Variants in INPP4A observed in about 807,000 individuals in gnomAD.
The protein encoded by INPP4A is inositol polyphosphate-4-phosphatase type I A, also known as inositol polyphosphate-4-phosphatase, type I, 107kD.
In INPP4A, 33 loss-of-function variants were observed where a neutral mutation model predicts 119.8. The observed-to-expected ratio is 0.28, with a 90% CI of 0.21 to 0.37. The LOEUF (loss-of-function observed/expected upper bound fraction) is 0.37. Ranked by LOEUF, INPP4A falls within the 10% of genes least tolerant of loss-of-function variation. The probability of loss-of-function intolerance (pLI) is 1.00; values close to 1 mark genes in which losing one functional copy is unlikely to be tolerated. For synonymous variants in INPP4A, 496 were observed against 500.7 expected (o/e 0.99, Z 0.12); for missense variants, 956 against 1,289.9 (o/e 0.74, Z 3.97).
At chr2:98,543,548 C>A (rs1691921442) in intron 10 of INPP4A, among the ~76,000 whole-genome samples, 7 of 152,156 alleles carry the variant, frequency 4.6e-5, no homozygotes, top group Admixed American at 4.6e-4. Flanking sequence ...CTTGAGGGCA[C>A]CTGCAGGTCG....
intron 13 of INPP4A, among the ~76,000 whole-genome samples, chr2:98,550,923 C>G (rs561186764): frequency 1.3e-5 from 2 of 151,654 alleles, no homozygotes; most frequent in South Asian, 4.2e-4. Context: ...TATATGTACT[C>G]TAAATATTGG....
intron 1 of INPP4A, among the ~76,000 whole-genome samples, chr2:98,467,301 G>A (rs6542781): frequency 0.79 from 120,180 of 152,164 alleles, 48,425 homozygotes; most frequent in African/African-American, 0.94. Context: ...CCCCACTTCT[G>A]ACATTCGGGA....
intron 4 of INPP4A, among the ~76,000 whole-genome samples, chr2:98,523,623 T>C (rs942945935): frequency 9.9e-5 from 15 of 152,152 alleles, no homozygotes; most frequent in Non-Finnish European, 1.3e-4. Context: ...CTCGATCTCC[T>C]GACCTCGTGA....
chr2:98,515,734 G>A (rs968526687), intron 1 of INPP4A, among the ~76,000 whole-genome samples: 15 of 152,256 alleles, frequency 9.9e-5, no homozygotes, highest in African/African-American at 3.1e-4. Context: ...CAGTACTCCC[G>A]CTAGGCCTCT....
chr2:98,559,540 G>T, intron 17 of INPP4A, 45 bp downstream of exon 17: 1 of 1,588,416 alleles, frequency 6.3e-7, no homozygotes, highest in Non-Finnish European at 8.6e-7. Flanking sequence ...CCTTTTAATT[G>T]ATACTCAGGT....
At position 98,590,999 on chromosome 2, in the gene INPP4A, ATTG is replaced by A. The variant is rs1326773138; in HGVS notation, c.*3394_*3396del. ...TGGAATGTTGATCTATTTCATATAG[ATTG>A]TTTTTAATATACAATGTATTAGCCC... On this transcript the variant is annotated 3_prime_UTR_variant, in exon 25 of 25. Transcript: ENST00000409851. The A allele has an allele frequency of 1.7e-5, 4 of 229,482 alleles. No homozygotes were observed. The highest frequency in any genetic ancestry group is 2.6e-5 in the Non-Finnish European group (3 of 115,784). 14.2% of individuals were successfully genotyped at this position (229,482 alleles called of 1,614,324 possible).
chr2:98,520,330 C>T (rs1686944537), intron 3 of INPP4A, among the ~76,000 whole-genome samples, 176 bp downstream of exon 3: 1 of 152,168 alleles, frequency 6.6e-6, no homozygotes, highest in Non-Finnish European at 1.5e-5. Context: ...GGATGTCAGC[C>T]CTCTTCCTGT....
At chr2:98,526,397 A>G (rs574088881) in intron 4 of INPP4A, among the ~76,000 whole-genome samples, 5 of 152,382 alleles carry the variant, frequency 3.3e-5, no homozygotes, top group African/African-American at 1.2e-4. Flanking sequence ...TCATGAAGAT[A>G]CATGAGAAGA....
In INPP4A at chr2:98,591,993, C is replaced by CT. The variant is rs1402768642; in HGVS notation, c.*4387dup. 1 of 152,268 alleles carries CT rather than the reference C, an allele frequency of 6.6e-6. No individual in the cohort carries two copies. The highest frequency in any genetic ancestry group is 6.5e-5 in the Admixed American group (1 of 15,280). 9.4% of individuals were successfully genotyped at this position (152,268 alleles called of 1,614,324 possible). ...ACTCTAAAGGGCTGCCAGCATTTCT[C>CT]TTAAGCTGGGGGGAGAAGAGCTGTT... On this transcript the variant is annotated 3_prime_UTR_variant, in exon 25 of 25. Transcript: ENST00000409851.
At chr2:98,448,730 A>T (rs1694714777) in intron 1 of INPP4A, among the ~76,000 whole-genome samples, 2 of 147,336 alleles carry the variant, frequency 1.4e-5, no homozygotes, top group African/African-American at 5.0e-5. Flanking sequence ...TTTTTTTTTA[A>T]AGAGACAAGG....
intron 1 of INPP4A, among the ~76,000 whole-genome samples, chr2:98,467,660 A>G (rs1019680262): frequency 2.0e-5 from 3 of 152,192 alleles, no homozygotes; most frequent in African/African-American, 7.2e-5. Flanking sequence ...GAGTTTTTGC[A>G]TATACATCCC....
chr2:98,536,977 A>G (rs899882759), intron 7 of INPP4A, among the ~76,000 whole-genome samples: 3 of 152,208 alleles, frequency 2.0e-5, no homozygotes, highest in Admixed American at 1.3e-4. Context: ...AATGAGAGGG[A>G]TCATGTAAGG....
At chr2:98,467,623 G>A (rs1368808433) in intron 1 of INPP4A, among the ~76,000 whole-genome samples, 1 of 152,134 alleles carries the variant, frequency 6.6e-6, no homozygotes, top group Non-Finnish European at 1.5e-5. Flanking sequence ...CTGTGTTCTT[G>A]ATGTGAAGCT....
chr2:98,462,360 A>G (rs1167295158), intron 1 of INPP4A, among the ~76,000 whole-genome samples: 1 of 152,144 alleles, frequency 6.6e-6, no homozygotes, highest in Non-Finnish European at 1.5e-5. Flanking sequence ...AGATAGGAGA[A>G]TCGCTTGAAC....
intron 1 of INPP4A, among the ~76,000 whole-genome samples, chr2:98,470,923 C>T (rs1574576046): frequency 6.6e-6 from 1 of 152,186 alleles, no homozygotes; most frequent in East Asian, 1.9e-4. Flanking sequence ...ACCTTGGCCT[C>T]CCAAAGTACT....
In INPP4A at chr2:98,552,788, C is replaced by T. The variant is rs759096360; in HGVS notation, c.1166C>T (p.Thr389Ile). 2.3e-5 allele frequency: 37 copies of T among 1,610,036 alleles called. No individual in the cohort carries two copies. In the South Asian group the frequency reaches 4.1e-4, roughly 18 times the overall value. ...LHKFEETKKH[T>I]SSGCQSIIYI... ...GAATCCATTCTTATCCTTTCCAGTACATCATCTGGCTGCCAGTCCATAATC... is the reference window on the plus strand; with the variant it reads ...GAATCCATTCTTATCCTTTCCAGTATATCATCTGGCTGCCAGTCCATAATC... The change falls in exon 14 of 25, where the codon ACA becomes ATA. Residue 389 changes from threonine (T) to isoleucine (I), a missense_variant and splice_region_variant. Coordinates refer to ENST00000409851, the MANE Select transcript of INPP4A (RefSeq NM_001134225.2).
chr2:98,587,346 A>G (rs925252393), intron 24 of INPP4A, 130 bp from the exon 25 acceptor site: 1 of 936,596 alleles, frequency 1.1e-6, no homozygotes, highest in Non-Finnish European at 1.5e-6. Context: ...GTTGTAAATG[A>G]GTCCGGCACC....
chr2:98,576,960 C>G, intron 23 of INPP4A, 29 bp from the exon 24 acceptor site: 7 of 1,599,730 alleles, frequency 4.4e-6, no homozygotes, highest in Non-Finnish European at 6.0e-6. Flanking sequence ...AGCCTCGCCT[C>G]TAAGCACGGC....
intron 1 of INPP4A, among the ~76,000 whole-genome samples, chr2:98,487,729 G>A (rs1179268786): frequency 6.6e-6 from 1 of 152,218 alleles, no homozygotes; most frequent in Non-Finnish European, 1.5e-5. Flanking sequence ...AAGAAGGTTG[G>A]AGGTTTTATA....
Sources: allele counts gnomAD v4.1 joint callset (sites outside exome capture counted in the v4.1 genomes callset), GRCh38; gene constraint gnomAD v4.1.1; transcripts MANE v1.5; gene names NCBI Gene and HGNC (gene_info 2026-07-23, HGNC 2026-07-21).